The following NPIPB6 variants were observed in gnomAD, a reference collection of about 807,000 sequenced individuals.
NPIPB6 encodes the protein nuclear pore complex interacting protein family member B6.
NPIPB6 carries 2 observed loss-of-function variants against 20.0 expected under a neutral mutation model. That is an observed-to-expected ratio of 0.10 (90% CI 0.04 to 0.31). NPIPB6 has a LOEUF of 0.31. NPIPB6 is among the 10% of genes least tolerant of loss of function. The probability of loss-of-function intolerance (pLI) is 1.00; values close to 1 mark genes in which losing one functional copy is unlikely to be tolerated. For missense variants in NPIPB6, 96 were observed against 293.7 expected (o/e 0.33, Z 4.92); for synonymous variants, 35 against 116.3 (o/e 0.30, Z 4.50).
At chr16:28,351,638 C>T (rs1489536218) in intron 2 of NPIPB6, among the ~76,000 whole-genome samples, 13 of 98,030 alleles carry the variant, frequency 1.3e-4, no homozygotes, top group African/African-American at 3.6e-4. Flanking sequence ...GAGGGAGACT[C>T]GTCTCGGGGG....
chr16:28,349,529 C>T (rs1457826475), intron 2 of NPIPB6, among the ~76,000 whole-genome samples: 3,100 of 98,204 alleles, frequency 0.032, 193 homozygotes, highest in African/African-American at 0.1. Context: ...CCAGCCTGAG[C>T]GACAGAATGA....
At chr16:28,351,716 G>C (rs2045233994) in intron 2 of NPIPB6, among the ~76,000 whole-genome samples, 1 of 111,022 alleles carries the variant, frequency 9.0e-6, no homozygotes. Context: ...TCAGGACTAA[G>C]TGGCATAGAG....
At chr16:28,350,258 C>T (rs1353671070) in intron 2 of NPIPB6, among the ~76,000 whole-genome samples, 2 of 100,082 alleles carry the variant, frequency 2.0e-5, no homozygotes, top group African/African-American at 3.4e-5. Context: ...CACTTCAACA[C>T]GGTTAGATGG....
chr16:28,349,748 C>G (rs1440392762), intron 2 of NPIPB6, among the ~76,000 whole-genome samples: 2 of 111,854 alleles, frequency 1.8e-5, no homozygotes, highest in Non-Finnish European at 4.0e-5. Context: ...ATTAACCAGG[C>G]ATGGTGGTGC....
rs1484736325 is a variant in NPIPB6, at chr16:28,349,580, C to CAT, written c.304-340_304-339insAT. Among the ~76,000 whole-genome samples, 3 of 103,564 alleles carry CAT rather than the reference C, an allele frequency of 2.9e-5. No homozygotes were observed. The East Asian group carries it at 8.6e-4, about 30-fold the overall frequency. The allele number at this position is 103,564 out of a possible 152,430, so 67.9% of individuals were successfully genotyped here. On this transcript the variant is annotated intron_variant, in intron 2 of 6. Coordinates refer to ENST00000532254, the Ensembl canonical transcript of NPIPB6. ...ACACACACACACACACACACACACA[C>CAT]ACACACACACACACAAGAATGACAT... is the stretch of plus-strand genomic sequence containing the variant.
Position 28,355,896 on chromosome 16 carries a change from C to A in NPIPB6, c.121-2835G>T, listed in dbSNP as rs377439878. On this transcript the variant is annotated intron_variant, in intron 1 of 6. Transcript: ENST00000532254. ...AGGCGCGGTGGCTCACGCCTGTAAT[C>A]CCAGCACTGGGAGGCCGAGGCAGGC... is the stretch of plus-strand genomic sequence containing the variant. Among the ~76,000 whole-genome samples the A allele has an allele frequency of 4.1e-4, 50 of 120,674 alleles. 5 individuals carry two copies. The East Asian group carries it at 0.012, about 28-fold the overall frequency. The allele number at this position is 120,674 out of a possible 152,430, so 79.2% of individuals were successfully genotyped here.
At chr16:28,362,839 G>C in exon 1 of NPIPB6, 2 of 1,540,410 alleles carry the variant, frequency 1.3e-6, no homozygotes, top group Non-Finnish European at 1.7e-6. Context: ...AATGAGAACA[G>C]GGGCTCATCA....
At chr16:28,342,666 A>G (rs1364419823) in exon 7 of NPIPB6, 7 of 1,544,554 alleles carry the variant, frequency 4.5e-6, no homozygotes, top group African/African-American at 2.8e-5. Context: ...AGCTTACTCA[A>G]CCTCCGCCTC....
At chr16:28,361,728 A>G (rs1316376628) in intron 1 of NPIPB6, among the ~76,000 whole-genome samples, 180 of 105,616 alleles carry the variant, frequency 1.7e-3, no homozygotes, top group African/African-American at 6.9e-3. Context: ...CTCTCTCTCT[A>G]TATGTGTGTG....
intron 4 of NPIPB6, among the ~76,000 whole-genome samples, chr16:28,348,562 G>T (rs1195419551): frequency 9.0e-6 from 1 of 111,058 alleles, no homozygotes; most frequent in Non-Finnish European, 2.0e-5. Flanking sequence ...CAACAGCAAA[G>T]CTCCATCTCA....
Position 28,355,529 on chromosome 16 carries a change from CG to C in NPIPB6, c.121-2469del, listed in dbSNP as rs2045298357. 2.5e-5 allele frequency among the ~76,000 whole-genome samples: 3 copies of C among 119,722 alleles called. No individual in the cohort carries two copies. In the Admixed American group the frequency reaches 2.7e-4, roughly 11 times the overall value. 78.5% of individuals were successfully genotyped at this position (119,722 alleles called of 152,430 possible). ...ATCCCAACGCTTTGGGAGGCCGAGGCGGGCGGATCACCTGAGGTCAGGAGTT... is the reference window on the plus strand; with the variant it reads ...ATCCCAACGCTTTGGGAGGCCGAGGCGGCGGATCACCTGAGGTCAGGAGTT... On this transcript the variant is annotated intron_variant, in intron 1 of 6. Transcript: ENST00000532254.
intron 2 of NPIPB6, among the ~76,000 whole-genome samples, chr16:28,350,124 A>G (rs1184288406): frequency 1.2e-3 from 113 of 92,384 alleles, no homozygotes; most frequent in African/African-American, 3.2e-3. Context: ...TTGAACCCAG[A>G]AGGCAGAGGT....
chr16:28,360,463 T>G, intron 1 of NPIPB6, among the ~76,000 whole-genome samples: 1 of 129,964 alleles, frequency 7.7e-6, no homozygotes, highest in Middle Eastern at 3.5e-3. Context: ...TGTTTCATCA[T>G]GCTGGTGATG....
intron 1 of NPIPB6, among the ~76,000 whole-genome samples, chr16:28,359,092 GAAAAA>G (rs71270623): frequency 1.2e-5 from 1 of 86,728 alleles, no homozygotes; most frequent in African/African-American, 5.3e-5. Context: ...GTCTCAAAAA[GAAAAA>G]AAAAAAAAAA....
chr16:28,355,202 G>A, intron 1 of NPIPB6, among the ~76,000 whole-genome samples: 1 of 131,806 alleles, frequency 7.6e-6, no homozygotes, highest in South Asian at 2.3e-4. Context: ...CTTTCAAGAT[G>A]GTGAATTAAA....
rs2045443286 is a variant in NPIPB6, at chr16:28,361,770, A to ATGTATG, written c.120+932_120+933insCATACA. Among the ~76,000 whole-genome samples the ATGTATG allele has an allele frequency of 8.2e-5, 6 of 72,768 alleles. No individual in the cohort carries two copies. The East Asian group carries it at 1.1e-3, about 14-fold the overall frequency. The allele number at this position is 72,768 out of a possible 152,430, so 47.7% of individuals were successfully genotyped here. ...TGTGTGTGTGTGTGTGTGTGTGTGT[A>ATGTATG]TGTGTGTGTGTGTGTGTATCTATAT... On this transcript the variant is annotated intron_variant, in intron 1 of 6. Coordinates refer to ENST00000532254, the Ensembl canonical transcript of NPIPB6.
At chr16:28,346,220 T>A (rs1428472547) in intron 4 of NPIPB6, 1 of 811,582 alleles carries the variant, frequency 1.2e-6, no homozygotes, top group African/African-American at 2.2e-5. Flanking sequence ...CAGCGAAAGA[T>A]CATTTTAGTT....
Position 28,349,622 on chromosome 16 carries a change from C to T in NPIPB6, c.304-381G>A, listed in dbSNP as rs1220517580. Among the ~76,000 whole-genome samples, 5 of 97,004 alleles carry T rather than the reference C, an allele frequency of 5.2e-5. 1 individual carries two copies. The highest frequency in any genetic ancestry group is 4.9e-4 in the Admixed American group (4 of 8,246). 63.6% of individuals were successfully genotyped at this position (97,004 alleles called of 152,430 possible). ...GAATGACATGAGGCTGGCACGGTGG[C>T]TCACTCCTGTAATCCCAGCACTTTG... On this transcript the variant is annotated intron_variant, in intron 2 of 6. Transcript: ENST00000532254.
At position 28,348,276 on chromosome 16, in the gene NPIPB6, A is replaced by C. The variant is rs1181957110; in HGVS notation, c.599+558T>G. 1.1e-4 allele frequency among the ~76,000 whole-genome samples: 12 copies of C among 110,948 alleles called. 3 individuals carry two copies. Among genetic ancestry groups the C allele is most frequent in the African/African-American group, 3.7e-4 (12 of 32,280 alleles). 72.8% of individuals were successfully genotyped at this position (110,948 alleles called of 152,430 possible). A position where few individuals can be genotyped will look rare whatever the true frequency, so the allele number is the denominator to read the frequency against. ...GCGACAGAGCGAGATTCTATCTCAAAATTTTAAAAAAAAAAAAAAAAGGCT... is the reference window on the plus strand; with the variant it reads ...GCGACAGAGCGAGATTCTATCTCAACATTTTAAAAAAAAAAAAAAAAGGCT... On this transcript the variant is annotated intron_variant, in intron 4 of 6. Coordinates refer to ENST00000532254, the Ensembl canonical transcript of NPIPB6.
Sources: gnomAD v4.1 joint callset for allele counts (sites outside exome capture counted in the v4.1 genomes callset) on GRCh38, gnomAD v4.1.1 for gene constraint, MANE v1.5 for transcripts, NCBI Gene and HGNC (gene_info 2026-07-23, HGNC 2026-07-21) for gene names.